Variants in TAFA2 observed in about 807,000 individuals in gnomAD.
The protein encoded by TAFA2 is TAFA chemokine like family member 2.
In TAFA2, 7 loss-of-function variants were observed where a neutral mutation model predicts 18.8. The ratio of observed to expected loss-of-function variants is 0.37; its 90% CI spans 0.21 to 0.70. TAFA2 has a LOEUF of 0.70. Among genes scored for constraint, TAFA2 ranks in the 30% least tolerant of loss-of-function variants. The pLI is 0.53. For synonymous variants in TAFA2, 60 were observed against 54.2 expected, an observed-to-expected ratio of 1.11 and a Z score of -0.47; for missense variants, 122 against 158.1, an observed-to-expected ratio of 0.77 and a Z score of 1.23.
intron 1 of TAFA2, among the ~76,000 whole-genome samples, chr12:61,982,541 G>A (rs767731554): frequency 6.6e-6 from 1 of 151,880 alleles, no homozygotes; most frequent in Non-Finnish European, 1.5e-5. Flanking sequence ...TACCTATCCA[G>A]GTTCTTAACA....
intron 1 of TAFA2, among the ~76,000 whole-genome samples, chr12:62,069,771 A>T (rs1457723545): frequency 1.3e-5 from 2 of 152,204 alleles, no homozygotes; most frequent in African/African-American, 4.8e-5. Context: ...ACAACACAAT[A>T]GTGACCAAGC....
chr12:61,777,262 T>G (rs61942566), intron 2 of TAFA2, among the ~76,000 whole-genome samples: 4 of 151,664 alleles, frequency 2.6e-5, no homozygotes, highest in African/African-American at 9.7e-5. Flanking sequence ...AGCAAGGTAC[T>G]TACATGTAAG....
intron 4 of TAFA2, among the ~76,000 whole-genome samples, chr12:61,718,983 T>C (rs1329608335): frequency 6.6e-6 from 1 of 152,178 alleles, no homozygotes; most frequent in South Asian, 2.1e-4. Flanking sequence ...TTAACTTCTT[T>C]GTTGGTTTGT....
chr12:61,977,765 A>G (rs1879488501), intron 1 of TAFA2, among the ~76,000 whole-genome samples: 1 of 152,170 alleles, frequency 6.6e-6, no homozygotes, highest in Non-Finnish European at 1.5e-5. Context: ...TTTCTCAACC[A>G]TAAGATAAAT....
intron 1 of TAFA2, among the ~76,000 whole-genome samples, chr12:61,921,736 A>T (rs1592487983): frequency 2.0e-5 from 3 of 152,218 alleles, no homozygotes; most frequent in Non-Finnish European, 2.9e-5. Flanking sequence ...TTGCATACTG[A>T]TGTTATTTAA....
At chr12:61,905,736 A>C (rs1169195420) in intron 1 of TAFA2, among the ~76,000 whole-genome samples, 1 of 152,212 alleles carries the variant, frequency 6.6e-6, no homozygotes, top group Non-Finnish European at 1.5e-5. Context: ...GTATGAAAGC[A>C]AAGGATAATG....
chr12:62,075,813 T>C (rs1056034804), intron 1 of TAFA2, among the ~76,000 whole-genome samples: 1 of 152,242 alleles, frequency 6.6e-6, no homozygotes, highest in African/African-American at 2.4e-5. Flanking sequence ...GAGCTATACA[T>C]AAAACCATTG....
chr12:61,999,773 C>G (rs1310732381), intron 1 of TAFA2, among the ~76,000 whole-genome samples: 3 of 152,124 alleles, frequency 2.0e-5, no homozygotes, highest in Non-Finnish European at 4.4e-5. Flanking sequence ...TTTTAAAATC[C>G]TGCAATTAGA....
intron 1 of TAFA2, among the ~76,000 whole-genome samples, chr12:61,984,263 A>G (rs1879741313): frequency 6.6e-6 from 1 of 152,260 alleles, no homozygotes; most frequent in Non-Finnish European, 1.5e-5. Context: ...ATTGTGATAG[A>G]TGCTGAAGAT....
intron 4 of TAFA2, chr12:61,720,584 T>A (rs1215025490): frequency 4.5e-6 from 1 of 224,076 alleles, no homozygotes; most frequent in Non-Finnish European, 9.0e-6. Flanking sequence ...CCTAAAGCTG[T>A]ACCAAGTTCA....
chr12:62,221,865 TAAC>T (rs1358235758), intron 1 of TAFA2, among the ~76,000 whole-genome samples: 1 of 151,984 alleles, frequency 6.6e-6, no homozygotes, highest in Non-Finnish European at 1.5e-5. Flanking sequence ...GTTCACCAAA[TAAC>T]AACATAAAAG....
At chr12:61,916,467 C>T (rs6581434) in intron 1 of TAFA2, among the ~76,000 whole-genome samples, 16,284 of 152,174 alleles carry the variant, frequency 0.11, 2,856 homozygotes, top group African/African-American at 0.37. Context: ...AAATGGTCAT[C>T]ATTGTTCTAT....
intron 1 of TAFA2, among the ~76,000 whole-genome samples, chr12:61,973,217 C>A (rs764162244): frequency 6.6e-6 from 1 of 151,540 alleles, no homozygotes; most frequent in Non-Finnish European, 1.5e-5. Context: ...TAAAAGTGCA[C>A]ATACAAATGT....
chr12:62,217,446 CAA>C (rs2062740307), intron 1 of TAFA2, among the ~76,000 whole-genome samples: 1 of 152,178 alleles, frequency 6.6e-6, no homozygotes, highest in Admixed American at 6.5e-5. Context: ...AGAGAAAAGA[CAA>C]AGAGTCTAAT....
chr12:62,210,650 A>G (rs752452997), intron 1 of TAFA2, among the ~76,000 whole-genome samples: 26 of 152,248 alleles, frequency 1.7e-4, no homozygotes, highest in Non-Finnish European at 3.7e-4. Context: ...AAAAGCATGT[A>G]CATATTGAAG....
chr12:61,844,152 G>C (rs1873305462), intron 2 of TAFA2, among the ~76,000 whole-genome samples: 1 of 152,082 alleles, frequency 6.6e-6, no homozygotes, highest in South Asian at 2.1e-4. Context: ...ACAGGCAAAT[G>C]AGACCCAATG....
At chr12:61,806,844 G>C (rs1311881870) in intron 2 of TAFA2, among the ~76,000 whole-genome samples, 1 of 152,182 alleles carries the variant, frequency 6.6e-6, no homozygotes, top group Non-Finnish European at 1.5e-5. Flanking sequence ...ACTTGAGAGA[G>C]ATGATTTAGG....
rs71083977 is a variant in TAFA2 at position 62,123,781 on chromosome 12, TACACACACACAC to T, written c.-2+67466_-2+67477del. On this transcript the variant is annotated intron_variant, in intron 1 of 4. Coordinates refer to ENST00000416284, the MANE Select transcript of TAFA2 (RefSeq NM_178539.5). ...TCTCAAATCTCCCCCACCACACACA[TACACACACACAC>T]ACACACACACACACACACACCACCT... 3.8e-5 allele frequency among the ~76,000 whole-genome samples: 5 copies of T among 132,926 alleles called. No homozygotes were observed. The South Asian group carries it at 1.0e-3, about 27-fold the overall frequency. 87.2% of individuals were successfully genotyped at this position (132,926 alleles called of 152,430 possible).
At chr12:62,146,284 C>CTT (rs11415151) in intron 1 of TAFA2, among the ~76,000 whole-genome samples, 31,352 of 117,578 alleles carry the variant, frequency 0.27, 5,267 homozygotes, top group East Asian at 0.34. Flanking sequence ...CCCTTTGCTG[C>CTT]TTTTTTTTTT....
Sources: allele counts gnomAD v4.1 joint callset (sites outside exome capture counted in the v4.1 genomes callset), GRCh38; gene constraint gnomAD v4.1.1; transcripts MANE v1.5; gene names NCBI Gene and HGNC (gene_info 2026-07-23, HGNC 2026-07-21).